The following MCOLN2 variants were observed in gnomAD, a reference collection of about 807,000 sequenced individuals.
MCOLN2 encodes the protein mucolipin TRP cation channel 2.
A neutral mutation model predicts 67.5 loss-of-function variants in MCOLN2; 57 were observed. That is an observed-to-expected ratio of 0.84 (90% CI 0.68 to 1.05). MCOLN2 has a LOEUF of 1.05. Ranked by LOEUF, MCOLN2 falls within the 50% of genes least tolerant of loss-of-function variation. The probability of loss-of-function intolerance (pLI) is 0.00; values close to 1 mark genes in which losing one functional copy is unlikely to be tolerated. For synonymous variants in MCOLN2, 246 were observed against 233.3 expected (o/e 1.05, Z -0.50); for missense variants, 620 against 678.8 (o/e 0.91, Z 0.96).
chr1:84,945,748 T>A (rs146985722), intron 7 of MCOLN2, among the ~76,000 whole-genome samples: 1 of 152,124 alleles, frequency 6.6e-6, no homozygotes, highest in South Asian at 2.1e-4. Flanking sequence ...ATTTTTTTAT[T>A]TATTTTACTT....
intron 2 of MCOLN2, among the ~76,000 whole-genome samples, chr1:84,964,565 C>T (rs953973596): frequency 6.6e-6 from 1 of 151,652 alleles, no homozygotes; most frequent in Admixed American, 6.6e-5. Flanking sequence ...GATTCAAGTG[C>T]ATTACACTAG....
chr1:84,952,482 C>T lies in MCOLN2; in HGVS notation c.614G>A (p.Trp205Ter). The change falls in exon 5 of 14, where the codon TGG becomes TAG. Residue 205 changes from tryptophan (W) to a stop codon, truncating the protein, a stop_gained. Transcript: ENST00000370608. LOFTEE classifies it high-confidence loss of function. ...LQDLSKKPPD[W>*]KNSSFFRLEF... ...CAGTCTGAAGAATGATGAGTTCTTC[C>T]AGTCCGGAGGCTTCTTGGAGAGGTC... 6.2e-7 allele frequency: 1 copy of T among 1,613,036 alleles called. No individual in the cohort carries two copies. Among genetic ancestry groups the T allele is most frequent in the Non-Finnish European group, 8.5e-7 (1 of 1,179,072 alleles).
At chr1:84,985,821 C>T (rs1015074655) in intron 1 of MCOLN2, among the ~76,000 whole-genome samples, 4 of 152,144 alleles carry the variant, frequency 2.6e-5, no homozygotes, top group South Asian at 2.1e-4. Flanking sequence ...ACACATCCCA[C>T]GCTCATGGAT....
intron 5 of MCOLN2, 31 bp downstream of exon 5, chr1:84,952,415 C>T (rs1648540514): frequency 6.4e-7 from 1 of 1,571,824 alleles, no homozygotes; most frequent in Non-Finnish European, 8.8e-7. Flanking sequence ...ACCCTCATCT[C>T]TTAGGGAATA....
intron 12 of MCOLN2, 75 bp downstream of exon 12, chr1:84,931,286 TA>T: frequency 1.1e-6 from 1 of 944,820 alleles, no homozygotes; most frequent in Non-Finnish European, 1.6e-6. Context: ...TTTAAGTTTT[TA>T]AAATGTGGTA....
At chr1:84,950,242 G>A (rs571346735) in intron 6 of MCOLN2, among the ~76,000 whole-genome samples, 1 of 152,198 alleles carries the variant, frequency 6.6e-6, no homozygotes, top group South Asian at 2.1e-4. Context: ...AAACAAATAT[G>A]ATTGAAAGGG....
intron 7 of MCOLN2, among the ~76,000 whole-genome samples, chr1:84,943,204 G>A (rs374520308): frequency 2.6e-5 from 4 of 152,104 alleles, no homozygotes; most frequent in African/African-American, 4.8e-5. Flanking sequence ...GCACAGAATC[G>A]TAAGAGATGG....
chr1:84,983,676 CTTTTTTT>C (rs569506991), intron 1 of MCOLN2, among the ~76,000 whole-genome samples: 2 of 129,880 alleles, frequency 1.5e-5, no homozygotes, highest in Admixed American at 7.9e-5. Flanking sequence ...TTTAAAATTT[CTTTTTTT>C]TTTTTTTTTT....
At position 84,937,880 on chromosome 1, in the gene MCOLN2, G is replaced by GA. The variant is rs765490868; in HGVS notation, c.1213-4dup. The stretch of plus-strand genomic sequence containing the variant: ...GCCTGCATTGTTAAAATCAGCACCT[G>GA]AAAAAAAGAACAGAATGGGTGAAAT... On this transcript the variant is annotated splice_region_variant and splice_polypyrimidine_tract_variant and intron_variant, in intron 10 of 13. Coordinates refer to ENST00000370608, the MANE Select transcript of MCOLN2 (RefSeq NM_153259.4). The GA allele has an allele frequency of 6.2e-6, 10 of 1,612,594 alleles. No homozygotes were observed. In the African/African-American group the frequency reaches 1.1e-4, roughly 17 times the overall value.
intron 2 of MCOLN2, among the ~76,000 whole-genome samples, chr1:84,962,402 A>G (rs1388743358): frequency 6.6e-6 from 1 of 152,202 alleles, no homozygotes; most frequent in Non-Finnish European, 1.5e-5. Flanking sequence ...ATAAAAAGCC[A>G]GGTGCAGTGG....
chr1:84,962,698 G>A (rs957322776), intron 2 of MCOLN2, among the ~76,000 whole-genome samples: 17 of 152,174 alleles, frequency 1.1e-4, no homozygotes, highest in African/African-American at 3.4e-4. Context: ...GGACTTGGAC[G>A]AACAAACAAG....
Position 84,929,651 on chromosome 1 carries a change from G to A in MCOLN2, c.1571C>T (p.Thr524Met), listed in dbSNP as rs759963935. 3.8e-5 allele frequency: 61 copies of A among 1,613,204 alleles called. No individual in the cohort carries two copies. In the Admixed American group the frequency reaches 5.5e-4, roughly 15 times the overall value. Reference sequence around the variant, plus strand: ...TTCCTTCAGGAATTCCTGCAAATCCGTTTCAGGAAACCCATTCTGTTGGAA... The same window carrying A: ...TTCCTTCAGGAATTCCTGCAAATCCATTTCAGGAAACCCATTCTGTTGGAA... The part of the protein sequence containing the change: ...KKFQQNGFPE[T>M]DLQEFLKECS... The change falls in exon 13 of 14, where the codon ACG (threonine) becomes ATG (methionine). Residue 524 changes from threonine to methionine, a missense_variant. Transcript: ENST00000370608.
Position 84,987,578 on chromosome 1 carries a change from A to ATC in MCOLN2, c.77+9217_77+9218insGA, listed in dbSNP as rs1557665999. On this transcript the variant is annotated intron_variant, in intron 1 of 13. Coordinates refer to ENST00000370608, the MANE Select transcript of MCOLN2 (RefSeq NM_153259.4). The stretch of plus-strand genomic sequence containing the variant: ...CATCTATGTATACATAGATGTATAC[A>ATC]TAGATATATACATATGTATATAGAT... 4.5e-5 allele frequency among the ~76,000 whole-genome samples: 4 copies of ATC among 89,872 alleles called. 2 individuals are homozygous for ATC. Among genetic ancestry groups the ATC allele is most frequent in the Non-Finnish European group, 8.7e-5 (4 of 45,734 alleles). The allele number at this position is 89,872 out of a possible 152,430, so 59.0% of individuals were successfully genotyped here.
intron 11 of MCOLN2, among the ~76,000 whole-genome samples, chr1:84,933,360 G>A (rs762935178): frequency 2.8e-4 from 43 of 152,072 alleles, no homozygotes; most frequent in Non-Finnish European, 4.1e-4. Context: ...CAAGGGAGAA[G>A]GTCTACAAAC....
intron 11 of MCOLN2, among the ~76,000 whole-genome samples, chr1:84,933,540 C>T (rs1016137208): frequency 2.0e-5 from 3 of 152,166 alleles, no homozygotes; most frequent in African/African-American, 7.2e-5. Flanking sequence ...AAATATTTTC[C>T]ATACGCTACA....
chr1:84,951,602 G>C (rs1321095936), intron 6 of MCOLN2, among the ~76,000 whole-genome samples: 1 of 152,124 alleles, frequency 6.6e-6, no homozygotes. Flanking sequence ...CTCTAAAGCT[G>C]GGAAGAACAC....
At chr1:84,977,540 G>C (rs1174271738) in intron 1 of MCOLN2, among the ~76,000 whole-genome samples, 1 of 152,058 alleles carries the variant, frequency 6.6e-6, no homozygotes, top group Non-Finnish European at 1.5e-5. Flanking sequence ...TAAAGGGATG[G>C]AGAAAGAAAT....
chr1:84,927,449 G>T (rs1661219694), intron 13 of MCOLN2, among the ~76,000 whole-genome samples: 1 of 152,174 alleles, frequency 6.6e-6, no homozygotes, highest in Non-Finnish European at 1.5e-5. Context: ...GGTTTCAGAG[G>T]TCATCTGGTC....
At chr1:84,969,323 C>A (rs528755382) in intron 1 of MCOLN2, among the ~76,000 whole-genome samples, 1 of 152,336 alleles carries the variant, frequency 6.6e-6, no homozygotes, top group Admixed American at 6.5e-5. Flanking sequence ...ATAATCCCAG[C>A]ACTTTGGGAG....
Sources: allele counts gnomAD v4.1 joint callset (sites outside exome capture counted in the v4.1 genomes callset), GRCh38; gene constraint gnomAD v4.1.1; transcripts MANE v1.5; gene names NCBI Gene and HGNC (gene_info 2026-07-23, HGNC 2026-07-21).